Variants in NKAIN3 observed in about 807,000 individuals in gnomAD.
NKAIN3 encodes the protein sodium/potassium-transporting ATPase subunit beta-1-interacting protein 3.
Under a neutral mutation model 30.2 loss-of-function variants are expected in NKAIN3, and 25 were observed. The ratio of observed to expected loss-of-function variants is 0.83; its 90% CI spans 0.60 to 1.16. The LOEUF (loss-of-function observed/expected upper bound fraction) is 1.16. Among genes scored for constraint, NKAIN3 ranks in the 50% most tolerant of loss-of-function variants. The pLI, the probability that NKAIN3 is intolerant of heterozygous loss-of-function variation, is 0.00. For missense variants in NKAIN3, 225 were observed against 254.1 expected (o/e 0.89, Z 0.78); for synonymous variants, 91 against 89.6 (o/e 1.02, Z -0.09).
chr8:62,999,029 G>A (rs1374888127), intron 5 of NKAIN3, among the ~76,000 whole-genome samples: 1 of 152,148 alleles, frequency 6.6e-6, no homozygotes, highest in Non-Finnish European at 1.5e-5. Context: ...TTTGAGAAAT[G>A]TCTGTGCAGG....
At chr8:62,748,409 C>G (rs770010383) in intron 4 of NKAIN3, among the ~76,000 whole-genome samples, 4 of 152,170 alleles carry the variant, frequency 2.6e-5, no homozygotes, top group Non-Finnish European at 5.9e-5. Context: ...GTGAAGTCAA[C>G]ACGCAAGCAT....
intron 6 of NKAIN3, among the ~76,000 whole-genome samples, chr8:62,958,096 A>G (rs897154930): frequency 1.3e-5 from 2 of 152,176 alleles, no homozygotes; most frequent in African/African-American, 4.8e-5. Context: ...ATGGAGGCTG[A>G]TTGGCTTGGC....
chr8:62,520,405 C>T (rs1349913255), intron 1 of NKAIN3, among the ~76,000 whole-genome samples: 1 of 151,846 alleles, frequency 6.6e-6, no homozygotes, highest in African/African-American at 2.4e-5. Context: ...TTTTATCTAA[C>T]CCAAGGTATT....
chr8:62,928,704 G>A (rs1324093395), intron 5 of NKAIN3, among the ~76,000 whole-genome samples: 1 of 152,156 alleles, frequency 6.6e-6, no homozygotes, highest in South Asian at 2.1e-4. Flanking sequence ...CTTCCTGCTG[G>A]ACATAGACCA....
chr8:62,362,836 G>A (rs565063461), intron 1 of NKAIN3, among the ~76,000 whole-genome samples: 7 of 152,264 alleles, frequency 4.6e-5, no homozygotes, highest in Middle Eastern at 3.4e-3. Context: ...TATAGAAATC[G>A]GAAGTGAGGT....
intron 3 of NKAIN3, among the ~76,000 whole-genome samples, chr8:62,644,142 C>G (rs1044218996): frequency 2.0e-5 from 3 of 152,038 alleles, no homozygotes; most frequent in African/African-American, 7.2e-5. Flanking sequence ...TGCCATTGCT[C>G]CATGTGGTTC....
chr8:62,889,994 T>C (rs531787242), intron 4 of NKAIN3, among the ~76,000 whole-genome samples: 2 of 152,220 alleles, frequency 1.3e-5, no homozygotes, highest in Non-Finnish European at 2.9e-5. Flanking sequence ...AAAATATATA[T>C]TAATACAAGC....
At chr8:62,507,177 T>C (rs1276402221) in intron 1 of NKAIN3, among the ~76,000 whole-genome samples, 1 of 152,184 alleles carries the variant, frequency 6.6e-6, no homozygotes, top group Non-Finnish European at 1.5e-5. Context: ...TGTCTGTCAG[T>C]TTCACTATAC....
intron 1 of NKAIN3, among the ~76,000 whole-genome samples, chr8:62,468,003 G>T (rs1806215730): frequency 6.6e-6 from 1 of 152,000 alleles, no homozygotes. Context: ...CAATTCCTGA[G>T]CTCCAGTGAT....
chr8:62,705,345 A>G (rs373257001), intron 3 of NKAIN3, among the ~76,000 whole-genome samples: 1 of 152,202 alleles, frequency 6.6e-6, no homozygotes, highest in African/African-American at 2.4e-5. Flanking sequence ...CCAACTGAAC[A>G]GAGACCCTGA....
At chr8:62,266,214 A>G (rs1170850841) in intron 1 of NKAIN3, among the ~76,000 whole-genome samples, 1 of 152,194 alleles carries the variant, frequency 6.6e-6, no homozygotes, top group Non-Finnish European at 1.5e-5. Context: ...TTTGAGTGAA[A>G]TAAATAAGAT....
intron 4 of NKAIN3, among the ~76,000 whole-genome samples, chr8:62,772,601 A>G (rs1208993729): frequency 6.6e-6 from 1 of 150,818 alleles, no homozygotes; most frequent in Non-Finnish European, 1.5e-5. Context: ...GCATCTCTTT[A>G]TATGTCTGTT....
intron 1 of NKAIN3, among the ~76,000 whole-genome samples, chr8:62,563,666 T>C (rs1480198): frequency 0.085 from 12,963 of 152,224 alleles, 587 homozygotes; most frequent in East Asian, 0.16. Context: ...TTAGTTAAGC[T>C]AACTGGGTTG....
At chr8:62,278,203 G>A (rs1813030052) in intron 1 of NKAIN3, among the ~76,000 whole-genome samples, 1 of 152,128 alleles carries the variant, frequency 6.6e-6, no homozygotes, top group Non-Finnish European at 1.5e-5. Flanking sequence ...AGGTCATGTA[G>A]ACTGAAGAGG....
At chr8:62,850,992 G>A (rs969641332) in intron 4 of NKAIN3, among the ~76,000 whole-genome samples, 1 of 151,990 alleles carries the variant, frequency 6.6e-6, no homozygotes, top group African/African-American at 2.4e-5. Context: ...ATTCTGTGAA[G>A]AAAGTCATTG....
chr8:62,315,196 C>G (rs891003768), intron 1 of NKAIN3, among the ~76,000 whole-genome samples: 1 of 152,058 alleles, frequency 6.6e-6, no homozygotes, highest in Non-Finnish European at 1.5e-5. Context: ...TTTGAAAAAG[C>G]GACTACAAAG....
At chr8:62,880,163 T>C (rs1475311229) in intron 4 of NKAIN3, among the ~76,000 whole-genome samples, 1 of 152,170 alleles carries the variant, frequency 6.6e-6, no homozygotes, top group Non-Finnish European at 1.5e-5. Flanking sequence ...ATTATTTATC[T>C]TACTTTTAGA....
At position 62,354,411 on chromosome 8, in the gene NKAIN3, C is replaced by A. The variant is rs117802030; in HGVS notation, c.54+105284C>A. Among the ~76,000 whole-genome samples the A allele has an allele frequency of 3.4e-4, 51 of 152,230 alleles. No individual in the cohort carries two copies. In the East Asian group the frequency reaches 9.3e-3, roughly 28 times the overall value. ...GAATGCTGGTAGAAAATGCAAGACT[C>A]CTGGATAAGAGGTGAAAGACAGTTT... On this transcript the variant is annotated intron_variant, in intron 1 of 6. Coordinates refer to ENST00000623646, the MANE Select transcript of NKAIN3 (RefSeq NM_001304533.3).
chr8:62,804,245 C>G (rs555333765), intron 4 of NKAIN3, among the ~76,000 whole-genome samples: 37 of 152,240 alleles, frequency 2.4e-4, no homozygotes, highest in Non-Finnish European at 2.5e-4. Flanking sequence ...AAGAGGGAAT[C>G]CTCCCTAACT....
Sources: gnomAD v4.1 joint callset for allele counts (sites outside exome capture counted in the v4.1 genomes callset) on GRCh38, gnomAD v4.1.1 for gene constraint, MANE v1.5 for transcripts, NCBI Gene and HGNC (gene_info 2026-07-23, HGNC 2026-07-21) for gene names.